SPOCK3: variants seen among roughly 807,000 people sequenced by gnomAD.
SPOCK3 encodes SPARC (osteonectin), cwcv and kazal like domains proteoglycan 3, also known as testican-3.
A neutral mutation model predicts 56.6 loss-of-function variants in SPOCK3; 30 were observed. The observed-to-expected ratio is 0.53, with a 90% CI of 0.40 to 0.72. The LOEUF (loss-of-function observed/expected upper bound fraction) is 0.72, where lower values mean the gene tolerates loss of function less well. Ranked by LOEUF, SPOCK3 falls within the 30% of genes least tolerant of loss-of-function variation. The pLI is 0.00. For synonymous variants in SPOCK3, 196 were observed against 183.3 expected (o/e 1.07, Z -0.56); for missense variants, 527 against 530.0 (o/e 0.99, Z 0.06).
intron 2 of SPOCK3, among the ~76,000 whole-genome samples, chr4:167,089,069 C>T (rs943154658): frequency 2.0e-5 from 3 of 151,932 alleles, no homozygotes; most frequent in Non-Finnish European, 4.4e-5. Flanking sequence ...TTATGAGGTG[C>T]TGGTATTCTA....
intron 4 of SPOCK3, among the ~76,000 whole-genome samples, chr4:166,913,031 C>T (rs527638728): frequency 6.6e-6 from 1 of 152,162 alleles, no homozygotes; most frequent in Non-Finnish European, 1.5e-5. Context: ...TTGATAGACT[C>T]AGAAACAGAA....
chr4:166,747,574 C>A (rs925043352), intron 8 of SPOCK3, among the ~76,000 whole-genome samples: 2 of 152,142 alleles, frequency 1.3e-5, no homozygotes, highest in African/African-American at 4.8e-5. Flanking sequence ...AAAACTGGCA[C>A]AAGACAGGGA....
intron 2 of SPOCK3, among the ~76,000 whole-genome samples, chr4:167,172,352 A>C (rs1463902818): frequency 6.6e-6 from 1 of 152,210 alleles, no homozygotes; most frequent in Admixed American, 6.6e-5. Context: ...GTTTGGAAGT[A>C]AATAATCAAA....
At chr4:166,812,088 T>G (rs183236856) in intron 6 of SPOCK3, among the ~76,000 whole-genome samples, 171 of 151,960 alleles carry the variant, frequency 1.1e-3, no homozygotes, top group Non-Finnish European at 1.5e-3. Context: ...CTGATTAGTG[T>G]TTCCAGTCAG....
At chr4:167,159,575 G>T in intron 2 of SPOCK3, among the ~76,000 whole-genome samples, 1 of 152,058 alleles carries the variant, frequency 6.6e-6, no homozygotes, top group East Asian at 1.9e-4. Flanking sequence ...AAGCCGGGCA[G>T]AGACACAACC....
intron 6 of SPOCK3, among the ~76,000 whole-genome samples, chr4:166,850,219 A>G (rs1748534502): frequency 1.3e-5 from 2 of 152,206 alleles, no homozygotes; most frequent in African/African-American, 4.8e-5. Flanking sequence ...CAAGGGTACC[A>G]ATTTCTCTGC....
intron 2 of SPOCK3, among the ~76,000 whole-genome samples, chr4:167,187,353 G>T (rs7667304): frequency 0.053 from 7,959 of 150,468 alleles, 231 homozygotes; most frequent in Admixed American, 0.08. Context: ...TTATCAGCAA[G>T]AATTAATTTT....
chr4:166,842,179 C>CA (rs758723001), intron 6 of SPOCK3, among the ~76,000 whole-genome samples: 1 of 152,204 alleles, frequency 6.6e-6, no homozygotes, highest in Non-Finnish European at 1.5e-5. Flanking sequence ...TGAGCAGCAG[C>CA]AAGATTTATT....
At chr4:166,830,472 G>A (rs566279259) in intron 6 of SPOCK3, among the ~76,000 whole-genome samples, 5 of 152,064 alleles carry the variant, frequency 3.3e-5, no homozygotes, top group Non-Finnish European at 7.4e-5. Flanking sequence ...AGTGCAGGGC[G>A]CAGTGTTTAC....
intron 4 of SPOCK3, among the ~76,000 whole-genome samples, chr4:166,995,245 A>G (rs199522433): frequency 1.3e-4 from 19 of 150,532 alleles, no homozygotes; most frequent in African/African-American, 2.2e-4. Flanking sequence ...GCATGTATGT[A>G]TGTATGTGTG....
chr4:166,870,937 G>T (rs1732401688), intron 6 of SPOCK3, among the ~76,000 whole-genome samples: 1 of 151,938 alleles, frequency 6.6e-6, no homozygotes, highest in Non-Finnish European at 1.5e-5. Context: ...ATAAGCATCT[G>T]GCATTACCCC....
rs1037761405 is a variant in SPOCK3 at position 166,950,712 on chromosome 4, G to A, written c.351-37969C>T. Reference sequence around the variant, plus strand: ...AAAGCTCTCCTCAGCAAATGTAAAAGAACAGAGATTATAACAAACTATCTC... The same window carrying A: ...AAAGCTCTCCTCAGCAAATGTAAAAAAACAGAGATTATAACAAACTATCTC... On this transcript the variant is annotated intron_variant, in intron 4 of 10. Coordinates refer to ENST00000357545, the MANE Select transcript of SPOCK3 (RefSeq NM_001040159.2). Among the ~76,000 whole-genome samples, 19 of 149,264 alleles carry A rather than the reference G, an allele frequency of 1.3e-4. 1 individual carries two copies. The highest frequency in any genetic ancestry group is 2.1e-4 in the Non-Finnish European group (14 of 67,756).
Position 166,788,726 on chromosome 4 carries a change from G to C in SPOCK3, c.709+3444C>G, listed in dbSNP as rs544144138. Reference sequence around the variant, plus strand: ...TTCTTAGGAAAAATCATGACATAAGGCAACTTTGTAAACAAGATATACAAG... The same window carrying C: ...TTCTTAGGAAAAATCATGACATAAGCCAACTTTGTAAACAAGATATACAAG... On this transcript the variant is annotated intron_variant, in intron 7 of 10. Coordinates refer to ENST00000357545, the MANE Select transcript of SPOCK3 (RefSeq NM_001040159.2). Among the ~76,000 whole-genome samples, 18 of 151,572 alleles carry C rather than the reference G, an allele frequency of 1.2e-4. No individual in the cohort carries two copies. The South Asian group carries it at 3.6e-3, about 30-fold the overall frequency.
intron 3 of SPOCK3, among the ~76,000 whole-genome samples, chr4:167,042,906 T>C (rs1261510475): frequency 6.6e-6 from 1 of 152,140 alleles, no homozygotes; most frequent in Admixed American, 6.6e-5. Flanking sequence ...ATCATTGCTA[T>C]TCACTAATGT....
intron 3 of SPOCK3, among the ~76,000 whole-genome samples, chr4:167,028,958 G>C (rs143123174): frequency 0.013 from 1,946 of 151,980 alleles, 20 homozygotes; most frequent in Non-Finnish European, 0.019. Flanking sequence ...ACATGTGCAG[G>C]ATGTGCAGGT....
chr4:166,867,148 A>C (rs1457192439), intron 6 of SPOCK3, among the ~76,000 whole-genome samples: 2 of 152,046 alleles, frequency 1.3e-5, no homozygotes, highest in Non-Finnish European at 2.9e-5. Flanking sequence ...TGCAGAATTG[A>C]GAGTGAAGTG....
chr4:166,886,429 A>T lies in SPOCK3; in HGVS notation c.589+2701T>A, dbSNP rs185567480. ...CTGAAGGGTGTATGCTTATCTACTT[A>T]TGTAAAGTCAGAATCTAGGGTTTAA... On this transcript the variant is annotated intron_variant, in intron 6 of 10. Coordinates refer to ENST00000357545, the MANE Select transcript of SPOCK3 (RefSeq NM_001040159.2). 3.9e-3 allele frequency among the ~76,000 whole-genome samples: 594 copies of T among 152,270 alleles called. 5 individuals are homozygous for T. The highest frequency in any genetic ancestry group is 0.014 in the African/African-American group (571 of 41,574).
intron 6 of SPOCK3, among the ~76,000 whole-genome samples, chr4:166,840,136 C>T (rs1320176374): frequency 6.6e-6 from 1 of 152,172 alleles, no homozygotes; most frequent in Non-Finnish European, 1.5e-5. Flanking sequence ...GTAGTGGTAC[C>T]TCATTATCTC....
intron 2 of SPOCK3, among the ~76,000 whole-genome samples, chr4:167,109,455 TAC>T (rs1439007552): frequency 4.7e-5 from 5 of 106,462 alleles, no homozygotes; most frequent in Admixed American, 1.4e-4. Context: ...TATATTTATA[TAC>T]ATATATAGTT....
Sources: allele counts gnomAD v4.1 joint callset (sites outside exome capture counted in the v4.1 genomes callset), GRCh38; gene constraint gnomAD v4.1.1; transcripts MANE v1.5; gene names NCBI Gene and HGNC (gene_info 2026-07-23, HGNC 2026-07-21).